The following TPGS2 variants were observed in gnomAD, a reference collection of about 807,000 sequenced individuals.
TPGS2 encodes polyglutamylase subunit 2.
TPGS2 carries 26 observed loss-of-function variants against 31.1 expected under a neutral mutation model. The observed-to-expected ratio is 0.84, with a 90% CI of 0.61 to 1.16. TPGS2 has a LOEUF of 1.16. TPGS2 is among the 50% of genes most tolerant of loss of function. The pLI is 0.00. For missense variants in TPGS2, 351 were observed against 363.8 expected, an observed-to-expected ratio of 0.96 and a Z score of 0.29; for synonymous variants, 130 against 136.6, an observed-to-expected ratio of 0.95 and a Z score of 0.34.
rs60958340 is a variant in TPGS2 at position 36,794,832 on chromosome 18, A to AACACACACACACACACACACACACAC, written c.*1947_*1972dup. On this transcript the variant is annotated 3_prime_UTR_variant, in exon 7 of 7. Coordinates refer to ENST00000334295, the MANE Select transcript of TPGS2 (RefSeq NM_015476.4). Reference sequence around the variant, plus strand: ...TATGTGACAGTCATGTTATGGTTAAAACACACACACACACACACACACACA... The same window carrying AACACACACACACACACACACACACAC: ...TATGTGACAGTCATGTTATGGTTAAAACACACACACACACACACACACACACACACACACACACACACACACACACA... 1 of 760,022 alleles carries AACACACACACACACACACACACACAC rather than the reference A, an allele frequency of 1.3e-6. No homozygotes were observed. The highest frequency in any genetic ancestry group is 2.0e-5 in the African/African-American group (1 of 48,960). The allele number at this position is 760,022 out of a possible 1,614,324, so 47.1% of individuals were successfully genotyped here.
chr18:36,798,843 A>C (rs1486283139), intron 5 of TPGS2, among the ~76,000 whole-genome samples: 2 of 152,090 alleles, frequency 1.3e-5, no homozygotes, highest in Non-Finnish European at 2.9e-5. Flanking sequence ...CAGTAGATTG[A>C]TCTATCTGCT....
intron 4 of TPGS2, among the ~76,000 whole-genome samples, chr18:36,802,166 G>C (rs925849888): frequency 6.6e-6 from 1 of 152,156 alleles, no homozygotes; most frequent in Non-Finnish European, 1.5e-5. Context: ...TGTTGCTCCA[G>C]GTGGGTAGAT....
chr18:36,814,583 T>C (rs2045571912), intron 2 of TPGS2, among the ~76,000 whole-genome samples: 1 of 152,192 alleles, frequency 6.6e-6, no homozygotes, highest in South Asian at 2.1e-4. Context: ...ATTTTATACA[T>C]GATGAACATG....
intron 2 of TPGS2, among the ~76,000 whole-genome samples, chr18:36,808,421 G>A (rs535153136): frequency 1.6e-3 from 242 of 152,228 alleles, no homozygotes; most frequent in Non-Finnish European, 2.4e-3. Flanking sequence ...GGCGGGTCAC[G>A]AGATCAGGAG....
chr18:36,828,952 GC>G lies in TPGS2; in HGVS notation c.-186del. ...GCTCCGTGGGGCGCCGGTTCCCGCG[GC>G]CCCGCCCGGTGCCCCACACCGCACC... On this transcript the variant is annotated 5_prime_UTR_variant, in exon 1 of 7. Transcript: ENST00000334295. 1.0e-6 allele frequency: 1 copy of G among 991,944 alleles called. No individual in the cohort carries two copies. 61.4% of individuals were successfully genotyped at this position (991,944 alleles called of 1,614,324 possible).
rs759112274 is a variant in TPGS2 at position 36,800,239 on chromosome 18, C to T, written c.455G>A (p.Gly152Asp). The T allele has an allele frequency of 2.5e-6, 4 of 1,614,126 alleles. No homozygotes were observed. The South Asian group carries it at 4.4e-5, about 18-fold the overall frequency. ...SVIFELDSCN[G>D]SGKVCLVYKS... ...GTAGACAAGGCAAACTTTCCCACTG[C>T]CATTGCATGAATCCAGCTCAAATAT... The change falls in exon 5 of 7, where the codon GGC (glycine) becomes GAC (aspartate). Residue 152 changes from glycine to aspartate, a missense_variant. Transcript: ENST00000334295.
At chr18:36,801,911 C>CT (rs1367304836) in intron 4 of TPGS2, among the ~76,000 whole-genome samples, 4 of 152,202 alleles carry the variant, frequency 2.6e-5, no homozygotes, top group Non-Finnish European at 4.4e-5. Context: ...TTGCTAGCCC[C>CT]TGACCCCTCT....
At chr18:36,789,248 A>C (rs2044226602), downstream of TPGS2, 1 of 152,214 alleles carries the variant, frequency 6.6e-6, no homozygotes, top group Non-Finnish European at 1.5e-5. Flanking sequence ...TTCTTTGTTG[A>C]CTATAGCATA....
At chr18:36,780,204 AGAGT>A (rs2043970964), downstream of TPGS2, 2 of 1,231,534 alleles carry the variant, frequency 1.6e-6, no homozygotes, top group Non-Finnish European at 2.0e-6. Flanking sequence ...TTTTGTTAAT[AGAGT>A]GAGTAACATC....
At chr18:36,783,187 A>G (rs2044055798) in intron 6 of TPGS2, 1 of 396,870 alleles carries the variant, frequency 2.5e-6, no homozygotes, top group Non-Finnish European at 4.4e-6. Flanking sequence ...GTTTTTAGTG[A>G]AACTAAAGGA....
chr18:36,813,834 T>C (rs549955285), intron 2 of TPGS2, among the ~76,000 whole-genome samples: 107 of 152,222 alleles, frequency 7.0e-4, no homozygotes, highest in African/African-American at 2.6e-3. Flanking sequence ...GAGAGAAGGG[T>C]TGACTGGTGG....
chr18:36,803,686 C>T (rs1283045204), intron 4 of TPGS2, among the ~76,000 whole-genome samples: 1 of 152,054 alleles, frequency 6.6e-6, no homozygotes, highest in East Asian at 1.9e-4. Context: ...TTCATCTATG[C>T]TTTAAGATAT....
In TPGS2 at chr18:36,828,985, A is replaced by G. The variant is rs2046340395; in HGVS notation, c.-218T>C. 4.7e-6 allele frequency: 5 copies of G among 1,066,264 alleles called. No homozygotes were observed. Among genetic ancestry groups the G allele is most frequent in the Non-Finnish European group, 3.8e-6 (3 of 781,322 alleles). The allele number at this position is 1,066,264 out of a possible 1,614,324, so 66.1% of individuals were successfully genotyped here. On this transcript the variant is annotated 5_prime_UTR_variant, in exon 1 of 7. Coordinates refer to ENST00000334295, the MANE Select transcript of TPGS2 (RefSeq NM_015476.4). ...CGGTGCCCCACACCGCACCTCCGGG[A>G]CGTAGCTTCCCCTTCGCCCCCACCC...
intron 1 of TPGS2, among the ~76,000 whole-genome samples, chr18:36,827,475 A>G (rs1426546510): frequency 1.3e-5 from 2 of 152,242 alleles, no homozygotes; most frequent in Non-Finnish European, 2.9e-5. Flanking sequence ...GCAAACTGCA[A>G]AAGCCCTGAA....
chr18:36,817,142 G>A (rs374060508), intron 2 of TPGS2, among the ~76,000 whole-genome samples: 1 of 152,232 alleles, frequency 6.6e-6, no homozygotes, highest in Admixed American at 6.5e-5. Context: ...GAGTGGAAAT[G>A]GAGGTGGGGG....
At position 36,794,213 on chromosome 18, in the gene TPGS2, C is replaced by A. The variant is rs917090736; in HGVS notation, c.*2592G>T. 2.2e-6 allele frequency: 2 copies of A among 925,904 alleles called. No homozygotes were observed. The highest frequency in any genetic ancestry group is 3.6e-5 in the African/African-American group (2 of 55,988). 57.4% of individuals were successfully genotyped at this position (925,904 alleles called of 1,614,324 possible). On this transcript the variant is annotated 3_prime_UTR_variant, in exon 7 of 7. Transcript: ENST00000334295. Reference sequence around the variant, plus strand: ...ACTATGGAAGAAAGGAAAAACATTACATTTTAGTACCTGTAAAGGTAATGT... The same window carrying A: ...ACTATGGAAGAAAGGAAAAACATTAAATTTTAGTACCTGTAAAGGTAATGT...
At chr18:36,808,414 G>A (rs542631111) in intron 2 of TPGS2, among the ~76,000 whole-genome samples, 2 of 152,190 alleles carry the variant, frequency 1.3e-5, no homozygotes, top group Admixed American at 6.5e-5. Flanking sequence ...CGAGGTGGGC[G>A]GGTCACGAGA....
intron 2 of TPGS2, among the ~76,000 whole-genome samples, chr18:36,810,712 T>C (rs1350623076): frequency 2.0e-5 from 3 of 152,224 alleles, no homozygotes; most frequent in Non-Finnish European, 4.4e-5. Flanking sequence ...TTTTAATCTT[T>C]CTTTTCTTCT....
rs1482554126 is a variant in TPGS2, at chr18:36,800,230, T to TG, written c.463_464insC (p.Lys155ThrfsTer18). On this transcript the variant is annotated frameshift_variant, in exon 5 of 7. Transcript: ENST00000334295. LOFTEE classifies it high-confidence loss of function. ...CCCACTTTTGTAGACAAGGCAAACT[T>TG]TCCCACTGCCATTGCATGAATCCAG... is the stretch of plus-strand genomic sequence containing the variant. 5.0e-6 allele frequency: 8 copies of TG among 1,613,982 alleles called. No homozygotes were observed. Among genetic ancestry groups the TG allele is most frequent in the Non-Finnish European group, 5.9e-6 (7 of 1,180,014 alleles).
Sources: gnomAD v4.1 joint callset for allele counts (sites outside exome capture counted in the v4.1 genomes callset) on GRCh38, gnomAD v4.1.1 for gene constraint, MANE v1.5 for transcripts, NCBI Gene and HGNC (gene_info 2026-07-23, HGNC 2026-07-21) for gene names.